The following RGMB variants were observed in gnomAD, a reference collection of about 807,000 sequenced individuals.
RGMB encodes the protein repulsive guidance molecule BMP co-receptor b.
A neutral mutation model predicts 26.9 loss-of-function variants in RGMB; 16 were observed. The observed-to-expected ratio is 0.60, with a 90% CI of 0.40 to 0.90. The LOEUF (loss-of-function observed/expected upper bound fraction) is 0.90. Ranked by LOEUF, RGMB falls within the 40% of genes least tolerant of loss-of-function variation. The pLI, the probability that RGMB is intolerant of heterozygous loss-of-function variation, is 0.00. For missense variants in RGMB, 512 were observed against 573.3 expected, an observed-to-expected ratio of 0.89 and a Z score of 1.09; for synonymous variants, 225 against 229.3, an observed-to-expected ratio of 0.98 and a Z score of 0.17.
rs1384936570 is a variant in RGMB at position 98,796,289 on chromosome 5, TAA to T, written c.*2539_*2540del. ...CACAGATGCTCCACATGGCTGTCTT[TAA>T]AAGACTCAAAACTTTTTTTTGTCCT... On this transcript the variant is annotated 3_prime_UTR_variant, in exon 3 of 3. Coordinates refer to ENST00000513185, the MANE Select transcript of RGMB (RefSeq NM_001366508.1). 1 of 147,816 alleles carries T rather than the reference TAA, an allele frequency of 6.8e-6. No individual in the cohort carries two copies. 9.2% of individuals were successfully genotyped at this position (147,816 alleles called of 1,614,324 possible). A position where few individuals can be genotyped will look rare whatever the true frequency, so the allele number is the denominator to read the frequency against.
chr5:98,770,712 G>A, upstream of RGMB: 1 of 1,317,464 alleles, frequency 7.6e-7, no homozygotes. Flanking sequence ...CGCCCGCTTG[G>A]CCCTCTTCCA....
At chr5:98,774,925 C>G (rs1221440087) in intron 1 of RGMB, among the ~76,000 whole-genome samples, 2 of 152,056 alleles carry the variant, frequency 1.3e-5, no homozygotes, top group African/African-American at 2.4e-5. Context: ...GGGAAGTAAG[C>G]CTGCAAATGA....
chr5:98,782,586 G>A (rs1746642238), intron 2 of RGMB, among the ~76,000 whole-genome samples: 1 of 152,188 alleles, frequency 6.6e-6, no homozygotes, highest in Non-Finnish European at 1.5e-5. Context: ...TCATCCTTGT[G>A]TGGTCAAGTG....
intron 1 of RGMB, among the ~76,000 whole-genome samples, chr5:98,774,443 C>G (rs1210860271): frequency 1.3e-5 from 2 of 152,178 alleles, no homozygotes; most frequent in Non-Finnish European, 2.9e-5. Flanking sequence ...GCCTTCGGCT[C>G]GGACCGCTGA....
At chr5:98,779,366 T>C (rs879824653) in intron 1 of RGMB, among the ~76,000 whole-genome samples, 2 of 152,230 alleles carry the variant, frequency 1.3e-5, no homozygotes, top group African/African-American at 2.4e-5. Flanking sequence ...TTTAAAGTTG[T>C]AAGTTAACTA....
At chr5:98,785,077 T>TG (rs1746731458) in intron 2 of RGMB, among the ~76,000 whole-genome samples, 1 of 152,226 alleles carries the variant, frequency 6.6e-6, no homozygotes, top group African/African-American at 2.4e-5. Context: ...TTTATGAAGA[T>TG]GCTAAGAAGT....
At position 98,796,390 on chromosome 5, in the gene RGMB, T is replaced by G. The variant is rs895666984; in HGVS notation, c.*2637T>G. 6.8e-6 allele frequency: 1 copy of G among 146,866 alleles called. No individual in the cohort carries two copies. The allele number at this position is 146,866 out of a possible 1,614,324, so 9.1% of individuals were successfully genotyped here. A position where few individuals can be genotyped will look rare whatever the true frequency, so the allele number is the denominator to read the frequency against. Reference sequence around the variant, plus strand: ...TTGCAAAGAAACCTTTAGATGTGGTTCATAGATATATGAATACGTATCTGT... The same window carrying G: ...TTGCAAAGAAACCTTTAGATGTGGTGCATAGATATATGAATACGTATCTGT... On this transcript the variant is annotated 3_prime_UTR_variant, in exon 3 of 3. Transcript: ENST00000513185.
intron 2 of RGMB, among the ~76,000 whole-genome samples, chr5:98,786,282 C>T (rs1192352695): frequency 6.6e-6 from 1 of 152,198 alleles, no homozygotes; most frequent in African/African-American, 2.4e-5. Flanking sequence ...GCGCCTGTCC[C>T]TGTGTGAGCC....
rs756607415 is a variant in RGMB at position 98,793,639 on chromosome 5, A to G, written c.1200A>G (p.Pro400=). ...TGGAGGATGTGGAGGCCCTGCACCC[A>G]AGGAAGGAACGCTGGCACATTTTCC... ...SALEDVEALH[P]RKERWHIFPS... is the part of the protein sequence containing the mutation. The change falls in exon 3 of 3, where the codon CCA becomes CCG. Residue 400 remains proline (P), a synonymous_variant. Transcript: ENST00000513185. The G allele has an allele frequency of 1.9e-6, 3 of 1,614,016 alleles. No homozygotes were observed. The highest frequency in any genetic ancestry group is 1.7e-6 in the Non-Finnish European group (2 of 1,179,884).
intron 2 of RGMB, among the ~76,000 whole-genome samples, chr5:98,786,392 A>G (rs746634513): frequency 6.6e-6 from 1 of 152,226 alleles, no homozygotes; most frequent in Non-Finnish European, 1.5e-5. Context: ...AGTCTGATAC[A>G]CAGCTGAGAG....
At position 98,773,940 on chromosome 5, in the gene RGMB, C is replaced by A; in HGVS notation, c.-131C>A. The A allele has an allele frequency of 1.7e-6, 1 of 600,392 alleles. No individual in the cohort carries two copies. Among genetic ancestry groups the A allele is most frequent in the South Asian group, 1.9e-5 (1 of 52,996 alleles). The allele number at this position is 600,392 out of a possible 1,614,324, so 37.2% of individuals were successfully genotyped here. A position where few individuals can be genotyped will look rare whatever the true frequency, so the allele number is the denominator to read the frequency against. On this transcript the variant is annotated 5_prime_UTR_variant, in exon 1 of 3. Transcript: ENST00000513185. ...GGCGGTGGTGGCGCCCCATCTGCTA[C>A]ACGGGCCTGAAGAAGGAAGAAGAGG...
intron 1 of RGMB, among the ~76,000 whole-genome samples, chr5:98,779,145 C>T (rs1020233764): frequency 3.9e-5 from 6 of 152,012 alleles, no homozygotes; most frequent in African/African-American, 1.5e-4. Flanking sequence ...GGTTTTGTGC[C>T]TAGTGCTGCT....
chr5:98,777,444 CTT>C (rs1746452233), intron 1 of RGMB, among the ~76,000 whole-genome samples: 2 of 151,992 alleles, frequency 1.3e-5, no homozygotes, highest in Admixed American at 6.6e-5. Context: ...CTACTTAAGT[CTT>C]TTTTTCAGCC....
At chr5:98,771,624 T>C (rs1331519305), upstream of RGMB, 3 of 152,198 alleles carry the variant, frequency 2.0e-5, no homozygotes, top group Non-Finnish European at 4.4e-5. Context: ...CTCGAGCTTG[T>C]CAAATTTTAC....
chr5:98,781,444 A>T (rs1014887470), intron 2 of RGMB, among the ~76,000 whole-genome samples: 1 of 152,162 alleles, frequency 6.6e-6, no homozygotes, highest in African/African-American at 2.4e-5. Flanking sequence ...TTTTTTTATA[A>T]ATATCTCAGA....
Position 98,779,705 on chromosome 5 carries a change from T to C in RGMB, c.262T>C (p.Tyr88His). Residue 88 changes from tyrosine to histidine, a missense_variant, in exon 2 of 3, where the codon TAT (tyrosine) becomes CAT (histidine). Physicochemically the swap from Tyr to His is moderately conservative, Grantham distance 83 (BLOSUM62 2). Transcript: ENST00000513185. ...TGAGTTTTGCAAGGCCTTGCGTGCC[T>C]ATGCTGGCTGCACCCAGCGAACTTC... is the stretch of plus-strand genomic sequence containing the variant. ...DSEFCKALRA[Y>H]AGCTQRTSKA... The C allele has an allele frequency of 6.2e-7, 1 of 1,610,214 alleles. No individual in the cohort carries two copies. Among genetic ancestry groups the C allele is most frequent in the Non-Finnish European group, 8.5e-7 (1 of 1,177,236 alleles).
intron 2 of RGMB, among the ~76,000 whole-genome samples, chr5:98,791,641 CTT>C (rs951408257): frequency 3.9e-5 from 6 of 152,098 alleles, no homozygotes; most frequent in African/African-American, 1.2e-4. Flanking sequence ...TCACCTGATA[CTT>C]TTTGTTTTTT....
At chr5:98,787,605 C>T (rs1163876158) in intron 2 of RGMB, among the ~76,000 whole-genome samples, 1 of 152,244 alleles carries the variant, frequency 6.6e-6, no homozygotes, top group East Asian at 1.9e-4. Context: ...CCTACACTTG[C>T]TGGCCTCCTC....
chr5:98,770,738 A>AT, upstream of RGMB: 2 of 997,952 alleles, frequency 2.0e-6, no homozygotes, highest in Non-Finnish European at 2.8e-6. Context: ...TACTTTCCTT[A>AT]TTTTCTCTCC....
Sources: gnomAD v4.1 joint callset for allele counts (sites outside exome capture counted in the v4.1 genomes callset) on GRCh38, gnomAD v4.1.1 for gene constraint, MANE v1.5 for transcripts, NCBI Gene and HGNC (gene_info 2026-07-23, HGNC 2026-07-21) for gene names.